The following PDE6G variants were observed in gnomAD, a reference collection of about 807,000 sequenced individuals.
The protein encoded by PDE6G is rod cGMP 3',5'-cyclic phosphodiesterase subunit gamma.
PDE6G carries 10 observed loss-of-function variants against 10.9 expected under a neutral mutation model. The ratio of observed to expected loss-of-function variants is 0.91; its 90% confidence interval spans 0.56 to 1.55. The LOEUF is 1.55. Among genes scored for constraint, PDE6G ranks in the 40% most tolerant of loss-of-function variants. PDE6G has a pLI of 0.00. For synonymous variants in PDE6G, 41 were observed against 42.8 expected, an observed-to-expected ratio of 0.96 and a Z score of 0.16; for missense variants, 102 against 110.1, an observed-to-expected ratio of 0.93 and a Z score of 0.33.
chr17:81,660,192 A>C (rs953687587), upstream of PDE6G, among the ~76,000 whole-genome samples: 5 of 152,204 alleles, frequency 3.3e-5, no homozygotes, highest in Non-Finnish European at 5.9e-5. Flanking sequence ...CAGGTGGATC[A>C]GCTGAGGCCA....
Position 81,653,274 on chromosome 17 carries a change from C to T in PDE6G, c.32G>A (p.Arg11Gln), listed in dbSNP as rs1347654087. The T allele has an allele frequency of 1.1e-5, 17 of 1,614,004 alleles. No homozygotes were observed. Among genetic ancestry groups the T allele is most frequent in the East Asian group, 2.2e-5 (1 of 44,860 alleles). The part of the protein sequence containing the change: MNLEPPKAEF[R>Q]SATRVAGGPV... ...TCCCCCGGCCACCCTGGTGGCTGACCGGAACTCAGCCTTGGGCGGTTCCAG... is the reference window on the plus strand; with the variant it reads ...TCCCCCGGCCACCCTGGTGGCTGACTGGAACTCAGCCTTGGGCGGTTCCAG... The change falls in exon 2 of 4, where the codon CGG becomes CAG. Residue 11 changes from arginine (R) to glutamine (Q), a missense_variant. Physicochemically the swap from Arg to Gln is conservative, Grantham distance 43. Coordinates refer to ENST00000331056, the MANE Select transcript of PDE6G (RefSeq NM_002602.4). The surrounding 1 kb of genome is among the most constrained non-coding windows in gnomAD (Gnocchi z 5.2).
chr17:81,661,880 A>AC (rs1262224701), intron 1 of PDE6G, among the ~76,000 whole-genome samples: 3 of 144,838 alleles, frequency 2.1e-5, no homozygotes, highest in Non-Finnish European at 4.5e-5. Flanking sequence ...AAAAAAAAAA[A>AC]ATCAGCCGGG....
Position 81,653,167 on chromosome 17 carries a change from C to T in PDE6G, c.139G>A (p.Val47Ile), listed in dbSNP as rs763070992. The T allele has an allele frequency of 9.3e-6, 15 of 1,613,678 alleles. No homozygotes were observed. The highest frequency in any genetic ancestry group is 2.7e-5 in the African/African-American group (2 of 74,906). ...TCCCCCAGCTCTGCTTACCCTTGAA[C>T]GCCTTTCTTTGGGGGCTTGCTCTTG... ...QFKSKPPKKG[V>I]QGFGDDIPGM... The change falls in exon 2 of 4, where the codon GTT becomes ATT. Residue 47 changes from valine to isoleucine, a missense_variant. Physicochemically the swap from Val to Ile is conservative, Grantham distance 29 (BLOSUM62 3). Transcript: ENST00000331056. This position sits in a 1 kb window ranked among gnomAD's most constrained non-coding sequence, Gnocchi z 5.2.
Position 81,651,288 on chromosome 17 carries a change from C to T in PDE6G, c.188-138G>A, listed in dbSNP as rs2036349970. ...GGGACGTGCGGACGCTGGAGTGGGG[C>T]CCTCCTCTGGGGACACACTGGCTGT... On this transcript the variant is annotated intron_variant, in intron 3 of 3. Coordinates refer to ENST00000331056, the MANE Select transcript of PDE6G (RefSeq NM_002602.4). The surrounding 1 kb of genome is among the most constrained non-coding windows in gnomAD (Gnocchi z 4.8). 5.7e-6 allele frequency: 4 copies of T among 706,678 alleles called. No homozygotes were observed. The highest frequency in any genetic ancestry group is 3.7e-4 in the Middle Eastern group (1 of 2,694). 43.8% of individuals were successfully genotyped at this position (706,678 alleles called of 1,614,324 possible).
rs774498381 is a variant in PDE6G at position 81,653,360 on chromosome 17, G to A, written c.-55C>T. ...CTTGGCTCCTGGACTCCCTCCTGCT[G>A]CGGTCTGGGGGCAGACCAGGCCCGG... On this transcript the variant is annotated 5_prime_UTR_variant, in exon 2 of 4. Coordinates refer to ENST00000331056, the MANE Select transcript of PDE6G (RefSeq NM_002602.4). This position sits in a 1 kb window ranked among gnomAD's most constrained non-coding sequence, Gnocchi z 5.2. 1.9e-6 allele frequency: 3 copies of A among 1,596,828 alleles called. No individual in the cohort carries two copies. The highest frequency in any genetic ancestry group is 1.1e-5 in the South Asian group (1 of 90,744).
intron 1 of PDE6G, 151 bp downstream of exon 1, chr17:81,656,342 G>A (rs1175277637): frequency 1.6e-6 from 1 of 635,956 alleles, no homozygotes; most frequent in South Asian, 1.8e-5. Flanking sequence ...CTGAATAACA[G>A]GGTGGCGGGT....
upstream of PDE6G, among the ~76,000 whole-genome samples, chr17:81,657,632 G>A (rs1471643993): frequency 6.6e-6 from 1 of 152,114 alleles, no homozygotes; most frequent in African/African-American, 2.4e-5. Flanking sequence ...TGTAATCCCA[G>A]CACTTTGGGA....
intron 1 of PDE6G, among the ~76,000 whole-genome samples, chr17:81,654,848 C>T (rs565367401): frequency 6.6e-6 from 1 of 150,432 alleles, no homozygotes; most frequent in African/African-American, 2.4e-5. Context: ...CCTGGGTTCA[C>T]GTCATTCTCC....
At chr17:81,662,538 G>A (rs771514010) in intron 1 of PDE6G, among the ~76,000 whole-genome samples, 62 of 152,150 alleles carry the variant, frequency 4.1e-4, no homozygotes, top group Non-Finnish European at 5.3e-4. Flanking sequence ...CAGGAGAATC[G>A]CTTGAACCCG....
chr17:81,655,265 G>A (rs1160914359), intron 1 of PDE6G, among the ~76,000 whole-genome samples: 2 of 152,226 alleles, frequency 1.3e-5, no homozygotes, highest in South Asian at 2.1e-4. Context: ...AAAGGGGCCT[G>A]TCTCAGAGAC....
chr17:81,653,418 T>TG lies in PDE6G; in HGVS notation c.-59-55dup, dbSNP rs1432058763. 2 of 1,304,322 alleles carry TG rather than the reference T, an allele frequency of 1.5e-6. No individual in the cohort carries two copies. Among genetic ancestry groups the TG allele is most frequent in the Non-Finnish European group, 2.1e-6 (2 of 937,012 alleles). 80.8% of individuals were successfully genotyped at this position (1,304,322 alleles called of 1,614,324 possible). A position where few individuals can be genotyped will look rare whatever the true frequency, so the allele number is the denominator to read the frequency against. On this transcript the variant is annotated intron_variant, in intron 1 of 3. Transcript: ENST00000331056. The surrounding 1 kb of genome is among the most constrained non-coding windows in gnomAD (Gnocchi z 5.2). Reference sequence around the variant, plus strand: ...TCAGCCCTCCTGCTTCCAACCCTTGTGGGGGTCTCAACCCACCGGTGGAGG... The same window carrying TG: ...TCAGCCCTCCTGCTTCCAACCCTTGTGGGGGGTCTCAACCCACCGGTGGAGG...
chr17:81,654,422 C>A (rs897129926), intron 1 of PDE6G, among the ~76,000 whole-genome samples: 35 of 149,376 alleles, frequency 2.3e-4, no homozygotes, highest in African/African-American at 8.7e-4. Flanking sequence ...CTCTGTCACC[C>A]AGGTTGGAGT....
At chr17:81,652,062 C>T (rs1364482612) in intron 2 of PDE6G, among the ~76,000 whole-genome samples, 2 of 152,234 alleles carry the variant, frequency 1.3e-5, no homozygotes, top group Admixed American at 6.5e-5. Flanking sequence ...GAGGTGTGAG[C>T]GTGTTTGTGC....
In PDE6G at chr17:81,650,497, C is replaced by T. The variant is rs776851984; in HGVS notation, c.*577G>A. On this transcript the variant is annotated 3_prime_UTR_variant, in exon 4 of 4. Coordinates refer to ENST00000331056, the MANE Select transcript of PDE6G (RefSeq NM_002602.4). ...TAATTTTATTTTGAAATAGGGACTGCAAGGGCAGGCTGTATTGAGAAGGAT... is the reference window on the plus strand; with the variant it reads ...TAATTTTATTTTGAAATAGGGACTGTAAGGGCAGGCTGTATTGAGAAGGAT... The T allele has an allele frequency of 3.1e-5, 14 of 453,346 alleles. No homozygotes were observed. Among genetic ancestry groups the T allele is most frequent in the South Asian group, 2.2e-4 (14 of 64,468 alleles). The allele number at this position is 453,346 out of a possible 1,614,324, so 28.1% of individuals were successfully genotyped here.
upstream of PDE6G, among the ~76,000 whole-genome samples, chr17:81,658,683 A>G (rs1044785490): frequency 1.3e-5 from 2 of 151,872 alleles, no homozygotes; most frequent in African/African-American, 4.8e-5. Flanking sequence ...TCTACTAAAA[A>G]TACAAAAATT....
chr17:81,651,363 G>A lies in PDE6G; in HGVS notation c.188-213C>T, dbSNP rs1718421038. ...GGTCCAGGGGAGGGAACCAGAGGAG[G>A]GTGGGGCTTGCTGAAGGGGGAGGAG... On this transcript the variant is annotated intron_variant, in intron 3 of 3. Transcript: ENST00000331056. This position sits in a 1 kb window ranked among gnomAD's most constrained non-coding sequence, Gnocchi z 4.8. Among the ~76,000 whole-genome samples the A allele has an allele frequency of 6.6e-6, 1 of 152,054 alleles. No homozygotes were observed. Among genetic ancestry groups the A allele is most frequent in the South Asian group, 2.1e-4 (1 of 4,836 alleles).
Position 81,653,067 on chromosome 17 carries a change from A to C in PDE6G, c.146+93T>G, listed in dbSNP as rs2036387039. 1 of 1,430,620 alleles carries C rather than the reference A, an allele frequency of 7.0e-7. No homozygotes were observed. The highest frequency in any genetic ancestry group is 9.9e-7 in the Non-Finnish European group (1 of 1,014,528). 88.6% of individuals were successfully genotyped at this position (1,430,620 alleles called of 1,614,324 possible). On this transcript the variant is annotated intron_variant, in intron 2 of 3. Transcript: ENST00000331056. This position sits in a 1 kb window ranked among gnomAD's most constrained non-coding sequence, Gnocchi z 5.2. Reference sequence around the variant, plus strand: ...GAGGCTGGGACCACTCACCCAGTGAAGTGGCCCCAGGCTCTGCCCCGCCCT... The same window carrying C: ...GAGGCTGGGACCACTCACCCAGTGACGTGGCCCCAGGCTCTGCCCCGCCCT...
upstream of PDE6G, among the ~76,000 whole-genome samples, chr17:81,658,453 C>T (rs751368138): frequency 3.3e-5 from 5 of 151,656 alleles, no homozygotes; most frequent in African/African-American, 7.3e-5. Context: ...AGCCTAGGAG[C>T]TCGAGGCTGC....
chr17:81,656,786 A>G (rs2036452926), upstream of PDE6G: 1 of 620,634 alleles, frequency 1.6e-6, no homozygotes, highest in Non-Finnish European at 2.9e-6. Context: ...CATCTTCCAG[A>G]TGGAAGCAAC....
Sources: allele counts gnomAD v4.1 joint callset (sites outside exome capture counted in the v4.1 genomes callset), GRCh38; gene constraint gnomAD v4.1.1; non-coding constraint Gnocchi (gnomAD v3.1); transcripts MANE v1.5; gene names NCBI Gene and HGNC (gene_info 2026-07-23, HGNC 2026-07-21).